Variants in LRRC7 observed in about 807,000 individuals in gnomAD.
LRRC7 encodes leucine rich repeat containing 7.
Under a neutral mutation model 175.7 loss-of-function variants are expected in LRRC7, and 23 were observed. That is an observed-to-expected ratio of 0.13 (90% CI 0.09 to 0.19). LRRC7 has a LOEUF of 0.19. Ranked by LOEUF, LRRC7 falls within the 10% of genes least tolerant of loss-of-function variation. The pLI is 1.00. For missense variants in LRRC7, 1,354 were observed against 1,904.7 expected, an observed-to-expected ratio of 0.71 and a Z score of 5.38; for synonymous variants, 685 against 680.9, an observed-to-expected ratio of 1.01 and a Z score of -0.09.
At chr1:69,722,014 C>T (rs1666410496) in intron 2 of LRRC7, among the ~76,000 whole-genome samples, 1 of 151,814 alleles carries the variant, frequency 6.6e-6, no homozygotes, top group Non-Finnish European at 1.5e-5. Flanking sequence ...AAATGATAAA[C>T]TGAAAATAGT....
At chr1:70,113,041 G>A (rs1347558537) in intron 26 of LRRC7, among the ~76,000 whole-genome samples, 1 of 152,166 alleles carries the variant, frequency 6.6e-6, no homozygotes, top group African/African-American at 2.4e-5. Context: ...TCAGGATGGC[G>A]ATAGGGGGAG....
chr1:70,039,416 G>A lies in LRRC7; in HGVS notation c.3592G>A (p.Val1198Met). ...GCTGGATCGCCAAAGCAGCGTTACA[G>A]TGACTGAGTCCCAGTTCCTGAAAAG... ...GGLDRQSSVTVTESQFLKRNG... is the reference protein window; with the variant it reads ...GGLDRQSSVTMTESQFLKRNG... The change falls in exon 21 of 27, where the codon GTG (valine) becomes ATG (methionine). Residue 1198 changes from valine (V) to methionine (M), a missense_variant. Transcript: ENST00000651989. The A allele has an allele frequency of 3.7e-6, 6 of 1,614,122 alleles. No homozygotes were observed. Among genetic ancestry groups the A allele is most frequent in the Non-Finnish European group, 4.2e-6 (5 of 1,180,010 alleles).
chr1:69,704,102 C>T (rs547390182), intron 2 of LRRC7, among the ~76,000 whole-genome samples: 56 of 152,052 alleles, frequency 3.7e-4, no homozygotes, highest in Non-Finnish European at 7.1e-4. Flanking sequence ...CACAAATATA[C>T]ACTCGGTGCT....
chr1:69,623,593 C>T (rs911767580), intron 1 of LRRC7, among the ~76,000 whole-genome samples: 12 of 150,450 alleles, frequency 8.0e-5, no homozygotes, highest in East Asian at 3.9e-4. Flanking sequence ...TCTTGTTGCC[C>T]AGGCTGGAGT....
chr1:69,619,381 G>A (rs1026465169), intron 1 of LRRC7, among the ~76,000 whole-genome samples: 4 of 148,986 alleles, frequency 2.7e-5, no homozygotes, highest in African/African-American at 7.3e-5. Context: ...ACTGCAGCTC[G>A]CTTACTGTCA....
chr1:70,051,475 A>T (rs1347110993), intron 22 of LRRC7, among the ~76,000 whole-genome samples: 2 of 152,026 alleles, frequency 1.3e-5, no homozygotes, highest in African/African-American at 4.8e-5. Context: ...ATATGTAAAC[A>T]TATTAATCTG....
chr1:69,657,504 C>G (rs1201296680), intron 1 of LRRC7, among the ~76,000 whole-genome samples: 1 of 151,792 alleles, frequency 6.6e-6, no homozygotes, highest in African/African-American at 2.4e-5. Flanking sequence ...TCCTCTTCAT[C>G]CAGGTGCTAT....
intron 24 of LRRC7, among the ~76,000 whole-genome samples, chr1:70,080,412 A>G (rs1420379468): frequency 2.0e-5 from 3 of 152,222 alleles, no homozygotes; most frequent in Non-Finnish European, 2.9e-5. Context: ...ATGAAGAAGC[A>G]TTTAGTAAGC....
At position 70,131,884 on chromosome 1, in the gene LRRC7, T is replaced by A. The variant is rs369955622; in HGVS notation, c.*9997T>A. Among the ~76,000 whole-genome samples, 4 of 152,224 alleles carry A rather than the reference T, an allele frequency of 2.6e-5. No homozygotes were observed. The highest frequency in any genetic ancestry group is 5.9e-5 in the Non-Finnish European group (4 of 68,042). On this transcript the variant is annotated 3_prime_UTR_variant, in exon 27 of 27. Coordinates refer to ENST00000651989, the MANE Select transcript of LRRC7 (RefSeq NM_001370785.2). ...AGAGAGTGACATTATCTTAGGATAGTAAGAATATTTTAGAATAGTAAGAGT... is the reference window on the plus strand; with the variant it reads ...AGAGAGTGACATTATCTTAGGATAGAAAGAATATTTTAGAATAGTAAGAGT...
At chr1:69,935,241 T>C (rs1647877999) in intron 8 of LRRC7, among the ~76,000 whole-genome samples, 1 of 151,984 alleles carries the variant, frequency 6.6e-6, no homozygotes, top group Non-Finnish European at 1.5e-5. Flanking sequence ...AAAGGACTCC[T>C]AAAAAGAATA....
rs562922191 is a variant in LRRC7 at position 69,665,418 on chromosome 1, T to C, written c.3-12963T>C. ...GTAGTATGGACATTTTTACATTGAT[T>C]GATTCTTTGTTCATTGTTGATTCTT... On this transcript the variant is annotated intron_variant, in intron 1 of 26. Coordinates refer to ENST00000651989, the MANE Select transcript of LRRC7 (RefSeq NM_001370785.2). 1.8e-3 allele frequency among the ~76,000 whole-genome samples: 267 copies of C among 152,230 alleles called. 1 individual carries two copies. The highest frequency in any genetic ancestry group is 6.1e-3 in the African/African-American group (255 of 41,572).
chr1:69,999,943 T>C lies in LRRC7; in HGVS notation c.1004+5310T>C, dbSNP rs866398970. Among the ~76,000 whole-genome samples the C allele has an allele frequency of 4.4e-4, 67 of 152,286 alleles. 1 individual carries two copies. The highest frequency in any genetic ancestry group is 2.1e-4 in the Non-Finnish European group (14 of 68,026). ...ACTGGCACACTGTGCTCTTCCTCAC[T>C]GTAGGTCCTGGGAGCCCAGAAAGCT... On this transcript the variant is annotated intron_variant, in intron 11 of 26. Transcript: ENST00000651989.
At chr1:69,585,481 G>A (rs1347108418) in intron 1 of LRRC7, among the ~76,000 whole-genome samples, 3 of 152,150 alleles carry the variant, frequency 2.0e-5, no homozygotes, top group African/African-American at 7.2e-5. Flanking sequence ...TTCCAAAGAT[G>A]CCTTTACCAT....
Position 70,138,500 on chromosome 1 carries a change from A to G in LRRC7, c.*16613A>G, listed in dbSNP as rs1011928893. 1 of 152,228 alleles carries G rather than the reference A, an allele frequency of 6.6e-6. No individual in the cohort carries two copies. The highest frequency in any genetic ancestry group is 1.5e-5 in the Non-Finnish European group (1 of 68,046). 9.4% of individuals were successfully genotyped at this position (152,228 alleles called of 1,614,324 possible). ...ATTGGTCCTTTTGTGACTGAGCTATATGATAAACTAAGGAAAACTACAGAA... is the reference window on the plus strand; with the variant it reads ...ATTGGTCCTTTTGTGACTGAGCTATGTGATAAACTAAGGAAAACTACAGAA... On this transcript the variant is annotated 3_prime_UTR_variant, in exon 27 of 27. Transcript: ENST00000651989.
intron 23 of LRRC7, among the ~76,000 whole-genome samples, chr1:70,061,195 T>C (rs1193030821): frequency 6.6e-6 from 1 of 152,166 alleles, no homozygotes; most frequent in Non-Finnish European, 1.5e-5. Flanking sequence ...TTTTCACTGA[T>C]CAGAGTTAAT....
At chr1:69,890,074 T>C (rs1239948302) in intron 7 of LRRC7, among the ~76,000 whole-genome samples, 1 of 152,220 alleles carries the variant, frequency 6.6e-6, no homozygotes, top group Non-Finnish European at 1.5e-5. Context: ...CTTATGTTAA[T>C]GTTGATAGTT....
chr1:69,678,940 G>A lies in LRRC7; in HGVS notation c.100+462G>A, dbSNP rs369277716. Among the ~76,000 whole-genome samples the A allele has an allele frequency of 1.9e-3, 296 of 151,904 alleles. 1 individual carries two copies. The highest frequency in any genetic ancestry group is 0.01 in the Middle Eastern group (3 of 294). On this transcript the variant is annotated intron_variant, in intron 2 of 26. Transcript: ENST00000651989. Reference sequence around the variant, plus strand: ...TTAGACAAAATAATAGATATCTGCCGGTAAATGTAAACCTGTTTGCCAAAT... The same window carrying A: ...TTAGACAAAATAATAGATATCTGCCAGTAAATGTAAACCTGTTTGCCAAAT...
chr1:69,591,531 C>T (rs886416771), intron 1 of LRRC7, among the ~76,000 whole-genome samples: 46 of 152,086 alleles, frequency 3.0e-4, no homozygotes, highest in Admixed American at 2.6e-3. Flanking sequence ...GTAGTAAAAC[C>T]GATAGCTTCC....
chr1:69,630,601 T>C (rs1467038356), intron 1 of LRRC7, among the ~76,000 whole-genome samples: 1 of 148,374 alleles, frequency 6.7e-6, no homozygotes, highest in Non-Finnish European at 1.5e-5. Flanking sequence ...TTTTGATTAA[T>C]CATTTTACTT....
Sources: allele counts gnomAD v4.1 joint callset (sites outside exome capture counted in the v4.1 genomes callset), GRCh38; gene constraint gnomAD v4.1.1; transcripts MANE v1.5; gene names NCBI Gene and HGNC (gene_info 2026-07-23, HGNC 2026-07-21).